EXOC6B: variants seen among roughly 807,000 people sequenced by gnomAD.
EXOC6B encodes SEC15 homolog B.
In EXOC6B, 54 loss-of-function variants were observed where a neutral mutation model predicts 113.5. The ratio of observed to expected loss-of-function variants is 0.48; its 90% confidence interval spans 0.38 to 0.60. EXOC6B has a LOEUF of 0.60. EXOC6B is among the 20% of genes least tolerant of loss of function. The pLI, the probability that EXOC6B is intolerant of heterozygous loss-of-function variation, is 0.00. For missense variants in EXOC6B, 797 were observed against 977.5 expected (o/e 0.82, Z 2.46); for synonymous variants, 357 against 339.0 (o/e 1.05, Z -0.58).
At chr2:72,443,000 A>G (rs1384504685) in intron 18 of EXOC6B, among the ~76,000 whole-genome samples, 1 of 152,180 alleles carries the variant, frequency 6.6e-6, no homozygotes, top group East Asian at 1.9e-4. Flanking sequence ...CTACACGGCT[A>G]CAATAACCAA....
rs577675308 is a variant in EXOC6B, at chr2:72,294,461, C to T, written c.2196+40486G>A. On this transcript the variant is annotated intron_variant, in intron 20 of 21. Coordinates refer to ENST00000272427, the MANE Select transcript of EXOC6B (RefSeq NM_015189.3). The stretch of plus-strand genomic sequence containing the variant: ...AAATGCCCAGCTAATTTTTGTTTTC[C>T]TTTTTGTAGAGACGGGGTCTCATTA... Among the ~76,000 whole-genome samples the T allele has an allele frequency of 2.6e-5, 4 of 151,818 alleles. No homozygotes were observed. In the South Asian group the frequency reaches 8.3e-4, roughly 31 times the overall value.
chr2:72,306,272 G>C (rs1686852358), intron 20 of EXOC6B, among the ~76,000 whole-genome samples: 1 of 152,166 alleles, frequency 6.6e-6, no homozygotes, highest in Admixed American at 6.5e-5. Context: ...CTGAAACTGA[G>C]TTCTAGAGAG....
chr2:72,452,264 C>T (rs1427582566), intron 18 of EXOC6B, among the ~76,000 whole-genome samples: 1 of 152,144 alleles, frequency 6.6e-6, no homozygotes, highest in Admixed American at 6.5e-5. Context: ...GGACACTATT[C>T]CATGCATGAT....
chr2:72,214,536 C>T (rs145532791), intron 20 of EXOC6B, among the ~76,000 whole-genome samples: 2 of 151,596 alleles, frequency 1.3e-5, no homozygotes, highest in African/African-American at 4.8e-5. Flanking sequence ...ATTGTGGTAA[C>T]CCAAGCCCCT....
chr2:72,457,031 G>C (rs1697280111), intron 18 of EXOC6B, among the ~76,000 whole-genome samples: 1 of 151,680 alleles, frequency 6.6e-6, no homozygotes, highest in South Asian at 2.1e-4. Context: ...AAAAGACCCA[G>C]GGTAGAAAAC....
At chr2:72,716,771 G>A (rs899533864) in intron 6 of EXOC6B, among the ~76,000 whole-genome samples, 3 of 152,026 alleles carry the variant, frequency 2.0e-5, no homozygotes, top group South Asian at 4.2e-4. Context: ...CTGGCCTCAC[G>A]TTAAATAAAG....
chr2:72,334,128 C>G (rs1201852108), intron 20 of EXOC6B, among the ~76,000 whole-genome samples: 1 of 151,870 alleles, frequency 6.6e-6, no homozygotes, highest in African/African-American at 2.4e-5. Context: ...TTGATTCTTA[C>G]TTCATTCACA....
chr2:72,190,223 A>C (rs1361522915), intron 20 of EXOC6B, among the ~76,000 whole-genome samples: 1 of 152,004 alleles, frequency 6.6e-6, no homozygotes, highest in African/African-American at 2.4e-5. Flanking sequence ...ATTTTTGTAG[A>C]GATGAGGTCT....
chr2:72,634,829 ACATATAAAAAGATAGAC>A (rs1672711868), intron 6 of EXOC6B, among the ~76,000 whole-genome samples: 1 of 152,222 alleles, frequency 6.6e-6, no homozygotes, highest in South Asian at 2.1e-4. Flanking sequence ...TATCAACAGA[ACATATAAAAAGATAGAC>A]CATATTATGG....
chr2:72,417,412 C>T (rs545820448), intron 18 of EXOC6B, among the ~76,000 whole-genome samples: 1 of 152,308 alleles, frequency 6.6e-6, no homozygotes, highest in African/African-American at 2.4e-5. Flanking sequence ...CCTGCCTTGG[C>T]CTCCCAAAGT....
Position 72,496,562 on chromosome 2 carries a change from A to G in EXOC6B, c.1338-3T>C. ...AGTTGTCAGAATCAAGTATGTTTCT[A>G]TAAATGGAAGGATAGACAAAGGGAA... is the stretch of plus-strand genomic sequence containing the variant. On this transcript the variant is annotated splice_polypyrimidine_tract_variant and splice_region_variant and intron_variant, in intron 13 of 21. Transcript: ENST00000272427. 1 of 1,556,902 alleles carries G rather than the reference A, an allele frequency of 6.4e-7. No homozygotes were observed. The highest frequency in any genetic ancestry group is 1.2e-5 in the South Asian group (1 of 86,382).
At chr2:72,431,534 T>TATCTATCC (rs1695532844) in intron 18 of EXOC6B, among the ~76,000 whole-genome samples, 1 of 151,546 alleles carries the variant, frequency 6.6e-6, no homozygotes, top group African/African-American at 2.4e-5. Flanking sequence ...TCTATCTATC[T>TATCTATCC]ATCTAAGACC....
At chr2:72,654,836 G>A (rs1674470517) in intron 6 of EXOC6B, among the ~76,000 whole-genome samples, 1 of 152,128 alleles carries the variant, frequency 6.6e-6, no homozygotes, top group African/African-American at 2.4e-5. Context: ...GAAAAACTGA[G>A]CATGTTTTCT....
chr2:72,669,415 G>A (rs1407475339), intron 6 of EXOC6B, among the ~76,000 whole-genome samples: 4 of 150,182 alleles, frequency 2.7e-5, no homozygotes, highest in East Asian at 1.9e-4. Flanking sequence ...GGGGGATGGC[G>A]GTACCATTTT....
chr2:72,379,866 T>G lies in EXOC6B; in HGVS notation c.1985A>C (p.Lys662Thr), dbSNP rs1427145645. 1 of 1,605,194 alleles carries G rather than the reference T, an allele frequency of 6.2e-7. No homozygotes were observed. Among genetic ancestry groups the G allele is most frequent in the Admixed American group, 1.7e-5 (1 of 59,172 alleles). ...TFAVFTHLPG[K>T]VAQTACMSAC... ...TGACATACACGCTGTCTGGGCCACC[T>G]TTCCCTGAAACACAAGAGTGTAAAT... Residue 662 changes from lysine to threonine, a missense_variant, in exon 19 of 22, where the codon AAG (lysine) becomes ACG (threonine). Coordinates refer to ENST00000272427, the MANE Select transcript of EXOC6B (RefSeq NM_015189.3).
Position 72,431,612 on chromosome 2 carries a change from A to T in EXOC6B, c.1980+33548T>A, listed in dbSNP as rs1423395184. 2.6e-5 allele frequency among the ~76,000 whole-genome samples: 4 copies of T among 151,938 alleles called. No individual in the cohort carries two copies. In the East Asian group the frequency reaches 5.8e-4, roughly 22 times the overall value. On this transcript the variant is annotated intron_variant, in intron 18 of 21. Coordinates refer to ENST00000272427, the MANE Select transcript of EXOC6B (RefSeq NM_015189.3). ...TCAAGTAAGCCTCCCAGATAGCTCA[A>T]ATTACAGGAGTGAGCCACCACATCC...
At chr2:72,722,238 A>G (rs1680056873) in intron 5 of EXOC6B, among the ~76,000 whole-genome samples, 1 of 152,138 alleles carries the variant, frequency 6.6e-6, no homozygotes, top group Non-Finnish European at 1.5e-5. Flanking sequence ...CAATATTACA[A>G]GATAATTTTC....
At chr2:72,220,512 A>G (rs2104423478) in intron 20 of EXOC6B, among the ~76,000 whole-genome samples, 1 of 152,310 alleles carries the variant, frequency 6.6e-6, no homozygotes, top group South Asian at 2.1e-4. Flanking sequence ...TTTGCAGGGC[A>G]TTCAAAGAAA....
At chr2:72,249,578 G>C (rs950527027) in intron 20 of EXOC6B, among the ~76,000 whole-genome samples, 1 of 151,910 alleles carries the variant, frequency 6.6e-6, no homozygotes, top group Non-Finnish European at 1.5e-5. Flanking sequence ...TCTTATATGT[G>C]AGATGGTAGA....
Sources: gnomAD v4.1 joint callset for allele counts (sites outside exome capture counted in the v4.1 genomes callset) on GRCh38, gnomAD v4.1.1 for gene constraint, MANE v1.5 for transcripts, NCBI Gene and HGNC (gene_info 2026-07-23, HGNC 2026-07-21) for gene names.